The following MYT1L variants were observed in gnomAD, a reference collection of about 807,000 sequenced individuals.
MYT1L encodes the protein myelin transcription factor 1 like.
Under a neutral mutation model 126.7 loss-of-function variants are expected in MYT1L, and 12 were observed. The ratio of observed to expected loss-of-function variants is 0.09; its 90% CI spans 0.06 to 0.15. The LOEUF (loss-of-function observed/expected upper bound fraction) is 0.15, where lower values mean the gene tolerates loss of function less well. Among genes scored for constraint, MYT1L ranks in the 10% least tolerant of loss-of-function variants. The pLI is 1.00. For missense variants in MYT1L, 979 were observed against 1,585.2 expected (o/e 0.62, Z 6.49); for synonymous variants, 541 against 604.2 (o/e 0.90, Z 1.53).
chr2:2,252,242 C>T (rs1049733124), intron 2 of MYT1L, among the ~76,000 whole-genome samples: 5 of 152,180 alleles, frequency 3.3e-5, no homozygotes, highest in African/African-American at 1.2e-4. Flanking sequence ...CTCTGCTTAC[C>T]TCTGTTTGTC....
intron 2 of MYT1L, among the ~76,000 whole-genome samples, chr2:2,271,689 C>T (rs2095266239): frequency 6.6e-6 from 1 of 152,190 alleles, no homozygotes; most frequent in African/African-American, 2.4e-5. Context: ...AGTTTGGTTT[C>T]TAGCGAGGGC....
intron 3 of MYT1L, among the ~76,000 whole-genome samples, chr2:2,152,449 G>C (rs2085959869): frequency 6.6e-6 from 1 of 152,234 alleles, no homozygotes. Context: ...AACTAGGGGA[G>C]AATACCGTAG....
At chr2:2,155,948 T>C (rs538792782) in intron 3 of MYT1L, among the ~76,000 whole-genome samples, 2 of 152,192 alleles carry the variant, frequency 1.3e-5, no homozygotes, top group East Asian at 3.9e-4. Context: ...CTGTCACATA[T>C]GAAAAGGAGA....
intron 2 of MYT1L, among the ~76,000 whole-genome samples, chr2:2,236,329 C>A (rs1369587948): frequency 7.0e-6 from 1 of 142,524 alleles, no homozygotes; most frequent in Non-Finnish European, 1.5e-5. Flanking sequence ...CAACCCAGTA[C>A]ATGCCAACCC....
intron 20 of MYT1L, among the ~76,000 whole-genome samples, chr2:1,839,792 C>G (rs984070449): frequency 6.6e-6 from 1 of 152,246 alleles, no homozygotes; most frequent in Non-Finnish European, 1.5e-5. Context: ...GAGGCTGTTT[C>G]GTGCTTTTCT....
chr2:1,980,236 G>A (rs2149494019), intron 5 of MYT1L, among the ~76,000 whole-genome samples: 1 of 146,048 alleles, frequency 6.8e-6, no homozygotes, highest in African/African-American at 2.5e-5. Context: ...TATATATTTT[G>A]TATATATATA....
intron 1 of MYT1L, among the ~76,000 whole-genome samples, chr2:2,323,568 A>G (rs962712361): frequency 4.6e-5 from 7 of 152,218 alleles, no homozygotes; most frequent in African/African-American, 7.2e-5. Context: ...TAAAACACCC[A>G]TATTGCAGTA....
intron 8 of MYT1L, among the ~76,000 whole-genome samples, chr2:1,961,856 G>A (rs1167287277): frequency 6.6e-6 from 1 of 152,162 alleles, no homozygotes; most frequent in African/African-American, 2.4e-5. Context: ...ACAAATATAC[G>A]GTTTGACAGA....
intron 8 of MYT1L, among the ~76,000 whole-genome samples, chr2:1,965,631 C>G (rs1230748447): frequency 6.6e-6 from 1 of 152,230 alleles, no homozygotes; most frequent in Non-Finnish European, 1.5e-5. Context: ...CGCGGGAAGC[C>G]AGAGAAGAGA....
intron 8 of MYT1L, among the ~76,000 whole-genome samples, chr2:1,959,614 G>T (rs2058792887): frequency 6.6e-6 from 1 of 152,152 alleles, no homozygotes; most frequent in Non-Finnish European, 1.5e-5. Context: ...CAGCAGGAGG[G>T]TCTCCTCCCT....
chr2:2,028,310 T>A (rs2065854100), intron 4 of MYT1L, among the ~76,000 whole-genome samples: 1 of 152,186 alleles, frequency 6.6e-6, no homozygotes, highest in Non-Finnish European at 1.5e-5. Flanking sequence ...CAGGAGGCTG[T>A]GGGATTGTGG....
intron 3 of MYT1L, among the ~76,000 whole-genome samples, chr2:2,080,758 T>A (rs2075737107): frequency 6.6e-6 from 1 of 152,172 alleles, no homozygotes; most frequent in Non-Finnish European, 1.5e-5. Flanking sequence ...GGTGGGAATA[T>A]AAAATATTGC....
At chr2:2,229,340 G>T (rs2094103764) in intron 2 of MYT1L, among the ~76,000 whole-genome samples, 1 of 151,980 alleles carries the variant, frequency 6.6e-6, no homozygotes, top group South Asian at 2.1e-4. Flanking sequence ...AAATTTTGGT[G>T]GTTTCCATGA....
At chr2:1,989,432 C>T (rs1323416743) in intron 5 of MYT1L, among the ~76,000 whole-genome samples, 1 of 152,096 alleles carries the variant, frequency 6.6e-6, no homozygotes, top group Non-Finnish European at 1.5e-5. Context: ...AGAGTGCACC[C>T]TACATCTTCT....
intron 1 of MYT1L, chr2:2,324,779 G>C (rs2096224196): frequency 6.5e-6 from 1 of 152,690 alleles, no homozygotes; most frequent in African/African-American, 2.4e-5. Context: ...CCTGTCTCAG[G>C]CTGCCTCCTT....
chr2:2,261,120 G>C (rs561409851), intron 2 of MYT1L, among the ~76,000 whole-genome samples: 11 of 149,438 alleles, frequency 7.4e-5, no homozygotes, highest in African/African-American at 2.5e-4. Flanking sequence ...CCTCCCTGCT[G>C]GGGTGCATGT....
At chr2:2,145,408 A>T (rs2148229663) in intron 3 of MYT1L, among the ~76,000 whole-genome samples, 1 of 152,342 alleles carries the variant, frequency 6.6e-6, no homozygotes, top group Middle Eastern at 3.4e-3. Context: ...GTGGCACTAC[A>T]GATAAAAGAT....
At chr2:1,804,275 T>C (rs1387597508) in intron 22 of MYT1L, among the ~76,000 whole-genome samples, 2 of 152,130 alleles carry the variant, frequency 1.3e-5, no homozygotes, top group African/African-American at 2.4e-5. Context: ...TGCCTGCCAC[T>C]ACACCCGGCT....
intron 12 of MYT1L, 48 bp downstream of exon 12, chr2:1,911,972 A>T: frequency 7.0e-7 from 1 of 1,428,530 alleles, no homozygotes; most frequent in Non-Finnish European, 9.6e-7. Context: ...GAAGGCATGG[A>T]GAGCAGCCGG....
Sources: gnomAD v4.1 joint callset for allele counts (sites outside exome capture counted in the v4.1 genomes callset) on GRCh38, gnomAD v4.1.1 for gene constraint, MANE v1.5 for transcripts, NCBI Gene and HGNC (gene_info 2026-07-23, HGNC 2026-07-21) for gene names.